BMP1: variants seen among roughly 807,000 people sequenced by gnomAD.
BMP1 encodes mammalian tolloid protein.
In BMP1, 63 loss-of-function variants were observed where a neutral mutation model predicts 116.8. The ratio of observed to expected loss-of-function variants is 0.54; its 90% CI spans 0.44 to 0.67. The LOEUF (loss-of-function observed/expected upper bound fraction) is 0.67. Among genes scored for constraint, BMP1 ranks in the 30% least tolerant of loss-of-function variants. The pLI, the probability that BMP1 is intolerant of heterozygous loss-of-function variation, is 0.00. For missense variants in BMP1, 1,183 were observed against 1,358.9 expected (o/e 0.87, Z 2.04); for synonymous variants, 536 against 533.4 (o/e 1.00, Z -0.07).
intron 16 of BMP1, among the ~76,000 whole-genome samples, chr8:22,203,858 G>A (rs2131898635): frequency 6.6e-6 from 1 of 152,262 alleles, no homozygotes; most frequent in African/African-American, 2.4e-5. Flanking sequence ...ACTGCATTCT[G>A]TCTCTGTACT....
chr8:22,194,067 G>A lies in BMP1; in HGVS notation c.1190G>A (p.Cys397Tyr). The change falls in exon 10 of 20, where the codon TGC (cysteine) becomes TAC (tyrosine). Residue 397 changes from cysteine (C) to tyrosine (Y), a missense_variant. Coordinates refer to ENST00000306385, the MANE Select transcript of BMP1 (RefSeq NM_006129.5). The surrounding 1 kb of genome is among the most constrained non-coding windows in gnomAD (Gnocchi z 4.5). ...WRKAPLRGRF[C>Y]GSKLPEPIVS... Reference sequence around the variant, plus strand: ...CACACTGTCTGTGCAGGCCGCTTCTGCGGGTCCAAACTCCCTGAGCCTATC... The same window carrying A: ...CACACTGTCTGTGCAGGCCGCTTCTACGGGTCCAAACTCCCTGAGCCTATC... 1 of 1,614,166 alleles carries A rather than the reference G, an allele frequency of 6.2e-7. No homozygotes were observed. The highest frequency in any genetic ancestry group is 8.5e-7 in the Non-Finnish European group (1 of 1,179,990).
chr8:22,206,824 T>C, intron 16 of BMP1, 30 bp from the exon 17 acceptor site: 1 of 1,613,890 alleles, frequency 6.2e-7, no homozygotes, highest in Non-Finnish European at 8.5e-7. Context: ...GGTCCCTCTC[T>C]ATCCCCTTCC....
chr8:22,210,538 TC>T (rs2131906428), intron 19 of BMP1, among the ~76,000 whole-genome samples: 1 of 151,364 alleles, frequency 6.6e-6, no homozygotes, highest in Admixed American at 6.6e-5. Context: ...TCCTGTCACC[TC>T]CCTGTCCCCT....
chr8:22,174,627 C>CTTTTTTTT (rs57781366), intron 2 of BMP1, among the ~76,000 whole-genome samples: 5 of 106,284 alleles, frequency 4.7e-5, no homozygotes, highest in African/African-American at 1.5e-4. Flanking sequence ...TTTTTTCTGT[C>CTTTTTTTT]TTTTTTTTTT....
intron 1 of BMP1, among the ~76,000 whole-genome samples, chr8:22,168,631 C>A (rs141113420): frequency 1.3e-5 from 2 of 152,248 alleles, no homozygotes; most frequent in Non-Finnish European, 1.5e-5. Context: ...GGACGCCTGG[C>A]CAAGGTTTGG....
chr8:22,188,832 C>T (rs1828851611), intron 8 of BMP1, among the ~76,000 whole-genome samples: 1 of 152,208 alleles, frequency 6.6e-6, no homozygotes, highest in Non-Finnish European at 1.5e-5. Context: ...GTCATCCTCC[C>T]CAGACAGAGC....
intron 13 of BMP1, among the ~76,000 whole-genome samples, chr8:22,195,856 C>T (rs185462518): frequency 6.6e-6 from 1 of 151,756 alleles, no homozygotes; most frequent in Non-Finnish European, 1.5e-5. Context: ...ACTTTGTTGC[C>T]GAGGCTTGTC....
Position 22,176,554 on chromosome 8 carries a change from G to A in BMP1, c.455G>A (p.Arg152Gln), listed in dbSNP as rs376680208. 59 of 1,614,082 alleles carry A rather than the reference G, an allele frequency of 3.7e-5. No homozygotes were observed. The highest frequency in any genetic ancestry group is 4.6e-5 in the Non-Finnish European group (54 of 1,180,024). The change falls in exon 4 of 20, where the codon CGG becomes CAG. Residue 152 changes from arginine to glutamine, a missense_variant. Physicochemically the swap from Arg to Gln is conservative, Grantham distance 43 (BLOSUM62 1). Coordinates refer to ENST00000306385, the MANE Select transcript of BMP1 (RefSeq NM_006129.5). ...GCAGGTAGCCAGAGGGCAGTCTTCC[G>A]GCAGGCCATGAGGCACTGGGAGAAG... ...NFTGSQRAVF[R>Q]QAMRHWEKHT...
intron 15 of BMP1, among the ~76,000 whole-genome samples, chr8:22,200,316 T>C (rs1829222047): frequency 2.0e-5 from 3 of 152,240 alleles, no homozygotes; most frequent in African/African-American, 7.2e-5. Flanking sequence ...GCTACATCTC[T>C]GCCTTTACGC....
chr8:22,208,564 C>A (rs7838069), intron 18 of BMP1, among the ~76,000 whole-genome samples: 9,683 of 152,264 alleles, frequency 0.064, 941 homozygotes, highest in African/African-American at 0.21. Context: ...AGAGACACAA[C>A]CCCAGCCCAG....
chr8:22,187,014 TA>T (rs1011686002), intron 8 of BMP1, among the ~76,000 whole-genome samples: 50 of 152,160 alleles, frequency 3.3e-4, no homozygotes, highest in Non-Finnish European at 8.8e-5. Context: ...TATTTTATTT[TA>T]TTTTTTAGAG....
chr8:22,206,488 C>T (rs12544580), intron 16 of BMP1, among the ~76,000 whole-genome samples: 16,800 of 147,758 alleles, frequency 0.11, 2,264 homozygotes, highest in African/African-American at 0.33. Context: ...GGCAACAGAG[C>T]GAGACTCCAT....
At position 22,179,142 on chromosome 8, in the gene BMP1, C is replaced by T. The variant is rs1828539931; in HGVS notation, c.837-563C>T. Reference sequence around the variant, plus strand: ...CCAGGATTCAGCAGGGAGGAATGGCCAGGACAGGAGACACTGATAGATTGG... The same window carrying T: ...CCAGGATTCAGCAGGGAGGAATGGCTAGGACAGGAGACACTGATAGATTGG... On this transcript the variant is annotated intron_variant, in intron 6 of 19. Coordinates refer to ENST00000306385, the MANE Select transcript of BMP1 (RefSeq NM_006129.5). The surrounding 1 kb of genome is among the most constrained non-coding windows in gnomAD (Gnocchi z 4.6). Among the ~76,000 whole-genome samples the T allele has an allele frequency of 6.6e-6, 1 of 152,232 alleles. No homozygotes were observed. The highest frequency in any genetic ancestry group is 2.4e-5 in the African/African-American group (1 of 41,462).
intron 13 of BMP1, 70 bp downstream of exon 13, chr8:22,195,657 T>TC: frequency 6.4e-7 from 1 of 1,567,666 alleles, no homozygotes; most frequent in African/African-American, 1.4e-5. Context: ...AGAATTTTTT[T>TC]TTTTTTTAGA....
chr8:22,201,201 T>C lies in BMP1; in HGVS notation c.2108-602T>C, dbSNP rs2131895772. On this transcript the variant is annotated intron_variant, in intron 15 of 19. Transcript: ENST00000306385. ...GCAGAAAAGAAACCGGACCCCCCAGTGAGGCCTGCCAGGCCTCCCGGACCC... is the reference window on the plus strand; with the variant it reads ...GCAGAAAAGAAACCGGACCCCCCAGCGAGGCCTGCCAGGCCTCCCGGACCC... 1.9e-6 allele frequency: 3 copies of C among 1,612,126 alleles called. No homozygotes were observed. The highest frequency in any genetic ancestry group is 2.5e-6 in the Non-Finnish European group (3 of 1,178,938).
At chr8:22,172,882 G>T (rs920064713) in intron 1 of BMP1, among the ~76,000 whole-genome samples, 7 of 152,044 alleles carry the variant, frequency 4.6e-5, no homozygotes, top group African/African-American at 1.4e-4. Context: ...CTCCCAAAGT[G>T]TTGGGATTAC....
At chr8:22,177,430 C>A in intron 5 of BMP1, 1 of 663,140 alleles carries the variant, frequency 1.5e-6, no homozygotes, top group Non-Finnish European at 2.7e-6. Flanking sequence ...CATAGTGGGC[C>A]GTCCTGGGGA....
At chr8:22,172,003 G>A (rs899784988) in intron 1 of BMP1, among the ~76,000 whole-genome samples, 6 of 152,174 alleles carry the variant, frequency 3.9e-5, no homozygotes, top group East Asian at 1.9e-4. Flanking sequence ...GGGTGTGGAC[G>A]CCACCATATG....
At chr8:22,172,074 G>T (rs916821775) in intron 1 of BMP1, among the ~76,000 whole-genome samples, 1 of 152,226 alleles carries the variant, frequency 6.6e-6, no homozygotes, top group Non-Finnish European at 1.5e-5. Context: ...GTGTGTGTGT[G>T]TGTTCACCAG....
Sources: gnomAD v4.1 joint callset for allele counts (sites outside exome capture counted in the v4.1 genomes callset) on GRCh38, gnomAD v4.1.1 for gene constraint, Gnocchi (gnomAD v3.1) non-coding constraint, MANE v1.5 for transcripts, NCBI Gene and HGNC (gene_info 2026-07-23, HGNC 2026-07-21) for gene names.